The following MARCHF6 variants were observed in gnomAD, a reference collection of about 807,000 sequenced individuals.
The protein encoded by MARCHF6 is E3 ubiquitin-protein ligase MARCHF6.
In MARCHF6, 31 loss-of-function variants were observed where a neutral mutation model predicts 133.7. The observed-to-expected ratio is 0.23, with a 90% confidence interval of 0.17 to 0.31. The LOEUF (loss-of-function observed/expected upper bound fraction) is 0.31, where lower values mean the gene tolerates loss of function less well. Among genes scored for constraint, MARCHF6 ranks in the 10% least tolerant of loss-of-function variants. The pLI is 1.00. For synonymous variants in MARCHF6, 395 were observed against 402.5 expected, an observed-to-expected ratio of 0.98 and a Z score of 0.22; for missense variants, 723 against 1,121.6, an observed-to-expected ratio of 0.64 and a Z score of 5.08.
At chr5:10,409,593 AG>A (rs1291327976) in intron 17 of MARCHF6, among the ~76,000 whole-genome samples, 1 of 152,216 alleles carries the variant, frequency 6.6e-6, no homozygotes. Flanking sequence ...GAGTGAATTG[AG>A]GAGCTCTTGG....
Position 10,365,210 on chromosome 5 carries a change from C to T in MARCHF6, c.19+11293C>T, listed in dbSNP as rs1170923471. On this transcript the variant is annotated intron_variant, in intron 1 of 25. Coordinates refer to ENST00000274140, the MANE Select transcript of MARCHF6 (RefSeq NM_005885.4). Reference sequence around the variant, plus strand: ...GCAGTTTTCAGGCTTCCAGGAGCAACAGTACAGGTGAATTTTTAATTTAGT... The same window carrying T: ...GCAGTTTTCAGGCTTCCAGGAGCAATAGTACAGGTGAATTTTTAATTTAGT... Among the ~76,000 whole-genome samples, 5 of 152,250 alleles carry T rather than the reference C, an allele frequency of 3.3e-5. No individual in the cohort carries two copies. The East Asian group carries it at 9.6e-4, about 29-fold the overall frequency.
intron 9 of MARCHF6, among the ~76,000 whole-genome samples, chr5:10,395,145 C>T (rs1213924457): frequency 2.0e-5 from 3 of 152,200 alleles, no homozygotes; most frequent in African/African-American, 7.2e-5. Context: ...CTTAGTGATT[C>T]AGAAACTTCA....
At chr5:10,379,764 T>G (rs1486943333) in intron 3 of MARCHF6, among the ~76,000 whole-genome samples, 1 of 152,026 alleles carries the variant, frequency 6.6e-6, no homozygotes, top group Non-Finnish European at 1.5e-5. Context: ...CCCAGCAAGC[T>G]TTTTTTAAAA....
In MARCHF6 at chr5:10,410,166, C is replaced by T. The variant is rs775549081; in HGVS notation, c.1581C>T (p.Leu527=). ...YSDAPVSELS[L]ELLLLQVVLP... is the part of the protein sequence containing the mutation. ...ATGCTCCAGTGAGTGAACTGTCCCT[C>T]GAGCTGCTTCTGCTTCAGGTTGTCT... Residue 527 remains leucine (L), a synonymous_variant, in exon 18 of 26, where the codon CTC becomes CTT. Coordinates refer to ENST00000274140, the MANE Select transcript of MARCHF6 (RefSeq NM_005885.4). The T allele has an allele frequency of 1.7e-5, 28 of 1,613,916 alleles. No homozygotes were observed. The African/African-American group carries it at 1.7e-4, about 10-fold the overall frequency.
At chr5:10,413,326 A>T (rs1739334768) in intron 19 of MARCHF6, 2 of 152,152 alleles carry the variant, frequency 1.3e-5, no homozygotes, top group Non-Finnish European at 2.9e-5. Context: ...TCAGAGACAG[A>T]CTCAAAAAAT....
intron 1 of MARCHF6, among the ~76,000 whole-genome samples, chr5:10,360,668 A>G (rs767816921): frequency 2.6e-5 from 4 of 152,296 alleles, no homozygotes; most frequent in Non-Finnish European, 4.4e-5. Flanking sequence ...TCTTAAATTC[A>G]AATTTCTGGA....
chr5:10,427,010 T>C (rs1579621264), intron 24 of MARCHF6, among the ~76,000 whole-genome samples: 1 of 152,254 alleles, frequency 6.6e-6, no homozygotes, highest in Admixed American at 6.5e-5. Context: ...TTCAAAATTA[T>C]AAGCAGAGAC....
intron 10 of MARCHF6, among the ~76,000 whole-genome samples, chr5:10,397,722 T>C (rs1488417830): frequency 6.6e-6 from 1 of 152,246 alleles, no homozygotes; most frequent in Non-Finnish European, 1.5e-5. Context: ...GACCATTGCC[T>C]TCTAGAGATC....
At chr5:10,393,009 T>C (rs1041191864) in intron 7 of MARCHF6, among the ~76,000 whole-genome samples, 1 of 152,190 alleles carries the variant, frequency 6.6e-6, no homozygotes, top group African/African-American at 2.4e-5. Context: ...CACGTCATGA[T>C]GAGTGTTGTG....
At chr5:10,402,742 A>G (rs1738621320) in intron 14 of MARCHF6, 135 bp downstream of exon 14, 37 of 793,444 alleles carry the variant, frequency 4.7e-5, no homozygotes, top group South Asian at 2.3e-4. Flanking sequence ...GTATCAGTAT[A>G]GGATCTTAAT....
intron 1 of MARCHF6, among the ~76,000 whole-genome samples, chr5:10,370,310 C>A (rs1736394294): frequency 6.6e-6 from 1 of 151,548 alleles, no homozygotes; most frequent in African/African-American, 2.4e-5. Flanking sequence ...CCTATGTTCC[C>A]CAGGCTGGTC....
Position 10,378,765 on chromosome 5 carries a change from T to G in MARCHF6, c.123T>G (p.Val41=), listed in dbSNP as rs1418605528. The change falls in exon 3 of 26, where the codon GTT becomes GTG. Residue 41 remains valine, a synonymous_variant. Coordinates refer to ENST00000274140, the MANE Select transcript of MARCHF6 (RefSeq NM_005885.4). ...SIKFIHQECL[V]QWLKHSRKEY... is the part of the protein sequence containing the mutation. The stretch of plus-strand genomic sequence containing the variant: ...AATCTATTTATAATTACAGCTTAGT[T>G]CAATGGCTGAAACACAGTCGAAAAG... The G allele has an allele frequency of 1.3e-6, 2 of 1,599,916 alleles. No individual in the cohort carries two copies. Among genetic ancestry groups the G allele is most frequent in the Non-Finnish European group, 1.7e-6 (2 of 1,168,922 alleles).
At chr5:10,419,355 A>G (rs1176867002) in intron 22 of MARCHF6, among the ~76,000 whole-genome samples, 1 of 152,214 alleles carries the variant, frequency 6.6e-6, no homozygotes, top group Non-Finnish European at 1.5e-5. Context: ...GTTTTGTGTT[A>G]GAAGTTTTTG....
chr5:10,414,112 A>G (rs1739375099), intron 19 of MARCHF6, among the ~76,000 whole-genome samples: 1 of 150,776 alleles, frequency 6.6e-6, no homozygotes, highest in Admixed American at 6.7e-5. Flanking sequence ...ATTTGATTAA[A>G]AGGTGAATGT....
chr5:10,370,223 C>T (rs1383206612), intron 1 of MARCHF6, among the ~76,000 whole-genome samples: 4 of 149,364 alleles, frequency 2.7e-5, no homozygotes, highest in African/African-American at 9.9e-5. Context: ...GCCTTAGCCT[C>T]CTGAGTAGCT....
At position 10,353,923 on chromosome 5, in the gene MARCHF6, T is replaced by G; in HGVS notation, c.19+6T>G. The G allele has an allele frequency of 1.9e-6, 3 of 1,555,934 alleles. No homozygotes were observed. The highest frequency in any genetic ancestry group is 2.6e-6 in the Non-Finnish European group (3 of 1,155,826). Reference sequence around the variant, plus strand: ...GATGGACACCGCGGAGGAAGGTAAGTCGGCGACGCGCGGCGCCCGAGCCCT... The same window carrying G: ...GATGGACACCGCGGAGGAAGGTAAGGCGGCGACGCGCGGCGCCCGAGCCCT... On this transcript the variant is annotated splice_donor_region_variant and intron_variant, in intron 1 of 25. Coordinates refer to ENST00000274140, the MANE Select transcript of MARCHF6 (RefSeq NM_005885.4).
chr5:10,421,940 C>T (rs1288059037), intron 22 of MARCHF6: 1 of 152,232 alleles, frequency 6.6e-6, no homozygotes, highest in East Asian at 1.9e-4. Flanking sequence ...GGAGGCTTAG[C>T]AGCCGCAGAA....
intron 4 of MARCHF6, among the ~76,000 whole-genome samples, chr5:10,383,617 A>C (rs1737287666): frequency 6.6e-6 from 1 of 152,210 alleles, no homozygotes; most frequent in African/African-American, 2.4e-5. Flanking sequence ...CTCAGATTGA[A>C]GGACAAACTA....
chr5:10,360,807 G>A (rs1186792784), intron 1 of MARCHF6, among the ~76,000 whole-genome samples: 3 of 152,240 alleles, frequency 2.0e-5, no homozygotes, highest in African/African-American at 4.8e-5. Context: ...GAGCTGGTAA[G>A]ACAGTGCAAA....
Sources: gnomAD v4.1 joint callset for allele counts (sites outside exome capture counted in the v4.1 genomes callset) on GRCh38, gnomAD v4.1.1 for gene constraint, MANE v1.5 for transcripts, NCBI Gene and HGNC (gene_info 2026-07-23, HGNC 2026-07-21) for gene names.